COL11A1: variants seen among roughly 807,000 people sequenced by gnomAD.
COL11A1 encodes the protein collagen alpha-1(XI) chain.
COL11A1 carries 74 observed loss-of-function variants against 265.2 expected under a neutral mutation model. The observed-to-expected ratio is 0.28, with a 90% CI of 0.23 to 0.34. COL11A1 has a LOEUF of 0.34. COL11A1 is among the 10% of genes least tolerant of loss of function. The pLI, the probability that COL11A1 is intolerant of heterozygous loss-of-function variation, is 1.00. For synonymous variants in COL11A1, 816 were observed against 727.6 expected (o/e 1.12, Z -1.96); for missense variants, 2,165 against 2,263.6 (o/e 0.96, Z 0.88).
intron 49 of COL11A1, among the ~76,000 whole-genome samples, chr1:102,917,228 C>A (rs2101047784): frequency 6.6e-6 from 1 of 151,752 alleles, no homozygotes; most frequent in East Asian, 1.9e-4. Context: ...TTGACAAAAA[C>A]AAAAAGGAAA....
chr1:103,000,727 A>G (rs1319085285), intron 24 of COL11A1, among the ~76,000 whole-genome samples: 1 of 152,038 alleles, frequency 6.6e-6, no homozygotes, highest in East Asian at 1.9e-4. Flanking sequence ...TAAGTTTACC[A>G]TAACACAAGA....
Position 102,997,082 on chromosome 1 carries a change from G to C in COL11A1, c.2239C>G (p.Leu747Val). The change falls in exon 26 of 67, where the codon CTG (leucine) becomes GTG (valine). Residue 747 changes from leucine to valine, a missense_variant and splice_region_variant. By Grantham distance (32) the Leu-to-Val change is conservative (BLOSUM62 1). Coordinates refer to ENST00000370096, the MANE Select transcript of COL11A1 (RefSeq NM_001854.4). ...KEGQSGEKGA[L>V]GPPGPQGPIG... Reference sequence around the variant, plus strand: ...TAAATGGATACTTTGGAACCTACCAGAGCCCCCTTTTCTCCAGACTGGCCT... The same window carrying C: ...TAAATGGATACTTTGGAACCTACCACAGCCCCCTTTTCTCCAGACTGGCCT... 6.2e-7 allele frequency: 1 copy of C among 1,611,804 alleles called. No homozygotes were observed. The highest frequency in any genetic ancestry group is 8.5e-7 in the Non-Finnish European group (1 of 1,178,348).
Position 103,092,349 on chromosome 1 carries a change from G to T in COL11A1, c.107-9377C>A, listed in dbSNP as rs576701689. Among the ~76,000 whole-genome samples the T allele has an allele frequency of 6.7e-3, 1,018 of 152,148 alleles. 9 individuals are homozygous for T. Among genetic ancestry groups the T allele is most frequent in the African/African-American group, 0.023 (976 of 41,534 alleles). ...AAAATATCAAAAACATTAAGAAAAA[G>T]TTAAGTATGTCATGAATGCACAAAA... On this transcript the variant is annotated intron_variant, in intron 1 of 66. Transcript: ENST00000370096.
intron 1 of COL11A1, among the ~76,000 whole-genome samples, chr1:103,106,546 C>T (rs748291090): frequency 3.9e-5 from 6 of 152,266 alleles, no homozygotes; most frequent in African/African-American, 1.4e-4. Flanking sequence ...ACCAATCCAA[C>T]CGGTGACCAG....
Position 102,998,678 on chromosome 1 carries a change from T to C in COL11A1, c.2143-315A>G, listed in dbSNP as rs2622871. Among the ~76,000 whole-genome samples the C allele has an allele frequency of 0.044, 6,702 of 151,816 alleles. 254 individuals carry two copies. The highest frequency in any genetic ancestry group is 0.097 in the African/African-American group (4,037 of 41,464). On this transcript the variant is annotated intron_variant, in intron 24 of 66. Coordinates refer to ENST00000370096, the MANE Select transcript of COL11A1 (RefSeq NM_001854.4). ...TTAGAGAACAAAAAGGAAAGCAATATAGGCCAGAAATATATTGATTCATAT... is the reference window on the plus strand; with the variant it reads ...TTAGAGAACAAAAAGGAAAGCAATACAGGCCAGAAATATATTGATTCATAT...
chr1:103,002,510 A>G, intron 22 of COL11A1, 29 bp from the exon 23 acceptor site: 1 of 1,559,852 alleles, frequency 6.4e-7, no homozygotes, highest in Non-Finnish European at 8.8e-7. Flanking sequence ...AAAAGTTTTT[A>G]ATGGGCTATA....
At chr1:103,107,167 C>G (rs181487399) in intron 1 of COL11A1, among the ~76,000 whole-genome samples, 2,119 of 152,082 alleles carry the variant, frequency 0.014, 37 homozygotes, top group Non-Finnish European at 0.02. Flanking sequence ...GCTCTCCCTC[C>G]GTGGGTACTG....
Position 102,896,386 on chromosome 1 carries a change from T to C in COL11A1, c.4302+1739A>G, listed in dbSNP as rs149165338. Reference sequence around the variant, plus strand: ...CTAAAATAGATCTTTCTTAGTTGAGTTGAAAGGCTCATTAAATTGCCATAA... The same window carrying C: ...CTAAAATAGATCTTTCTTAGTTGAGCTGAAAGGCTCATTAAATTGCCATAA... On this transcript the variant is annotated intron_variant, in intron 57 of 66. Coordinates refer to ENST00000370096, the MANE Select transcript of COL11A1 (RefSeq NM_001854.4). Among the ~76,000 whole-genome samples, 208 of 152,296 alleles carry C rather than the reference T, an allele frequency of 1.4e-3. 1 individual carries two copies. The highest frequency in any genetic ancestry group is 4.8e-3 in the African/African-American group (198 of 41,568).
At chr1:102,982,343 G>A (rs2101702917) in intron 31 of COL11A1, among the ~76,000 whole-genome samples, 1 of 152,108 alleles carries the variant, frequency 6.6e-6, no homozygotes, top group South Asian at 2.1e-4. Flanking sequence ...ACTCATTCAT[G>A]TAATATTGTG....
chr1:102,905,884 C>T (rs1301677749), intron 54 of COL11A1, among the ~76,000 whole-genome samples: 1 of 152,098 alleles, frequency 6.6e-6, no homozygotes, highest in Non-Finnish European at 1.5e-5. Context: ...GTATTGGTCA[C>T]TGCTGAACTC....
chr1:103,047,984 G>A (rs1355076958), intron 4 of COL11A1, among the ~76,000 whole-genome samples: 2 of 152,162 alleles, frequency 1.3e-5, no homozygotes, highest in Non-Finnish European at 1.5e-5. Flanking sequence ...GCTTTTTTAT[G>A]TGCTGCTGGA....
chr1:103,002,424 T>C lies in COL11A1; in HGVS notation c.2097+4A>G. ...TCAAAGGAGCTGCAGTGGCTTAGAC[T>C]TACCTGAGGTCCTGGATTCCCTTGT... On this transcript the variant is annotated splice_donor_region_variant and intron_variant, in intron 23 of 66. Transcript: ENST00000370096. The C allele has an allele frequency of 1.2e-6, 2 of 1,606,954 alleles. No homozygotes were observed. The highest frequency in any genetic ancestry group is 1.7e-6 in the Non-Finnish European group (2 of 1,176,464).
At chr1:103,075,905 A>G (rs1671939280) in intron 3 of COL11A1, among the ~76,000 whole-genome samples, 1 of 152,106 alleles carries the variant, frequency 6.6e-6, no homozygotes, top group Non-Finnish European at 1.5e-5. Flanking sequence ...TGAATTGAGC[A>G]AAGATTTATA....
Position 102,887,020 on chromosome 1 carries a change from AGAT to A in COL11A1, c.4642_4644del (p.Ile1548del), listed in dbSNP as rs773823635. 6.2e-7 allele frequency: 1 copy of A among 1,613,894 alleles called. No homozygotes were observed. ...TGTCTTCTCGTTTTTTTGGAGGACA[AGAT>A]TGGTAAAGGCTGAATGACTTCACCA... On this transcript the variant is annotated inframe_deletion, in exon 63 of 67. Coordinates refer to ENST00000370096, the MANE Select transcript of COL11A1 (RefSeq NM_001854.4).
chr1:102,890,748 G>A (rs1651665573), intron 57 of COL11A1, among the ~76,000 whole-genome samples: 1 of 152,002 alleles, frequency 6.6e-6, no homozygotes, highest in Non-Finnish European at 1.5e-5. Context: ...ATAGAACATG[G>A]TTATATGGCT....
chr1:102,905,346 A>G (rs2100974772), intron 54 of COL11A1, among the ~76,000 whole-genome samples: 1 of 151,448 alleles, frequency 6.6e-6, no homozygotes, highest in Non-Finnish European at 1.5e-5. Context: ...CAGGTTGTGC[A>G]CATGTACCCT....
chr1:103,108,517 G>T lies in COL11A1; in HGVS notation c.-339C>A. 3.6e-6 allele frequency: 2 copies of T among 552,612 alleles called. No homozygotes were observed. Among genetic ancestry groups the T allele is most frequent in the Non-Finnish European group, 3.2e-6 (1 of 313,542 alleles). The allele number at this position is 552,612 out of a possible 1,614,324, so 34.2% of individuals were successfully genotyped here. A position where few individuals can be genotyped will look rare whatever the true frequency, so the allele number is the denominator to read the frequency against. Reference sequence around the variant, plus strand: ...TGTGTGCCCCTAAAGGCTTCATGCCGTCAGTGGGCTGGACGAGTGGCTCCG... The same window carrying T: ...TGTGTGCCCCTAAAGGCTTCATGCCTTCAGTGGGCTGGACGAGTGGCTCCG... On this transcript the variant is annotated 5_prime_UTR_variant, in exon 1 of 67. Coordinates refer to ENST00000370096, the MANE Select transcript of COL11A1 (RefSeq NM_001854.4).
chr1:103,060,658 G>A (rs547244988), intron 4 of COL11A1, among the ~76,000 whole-genome samples: 6 of 152,208 alleles, frequency 3.9e-5, no homozygotes, highest in South Asian at 4.1e-4. Context: ...TGGAATAGGT[G>A]TAAGTTCATA....
chr1:103,029,609 T>C (rs892116499), intron 5 of COL11A1, among the ~76,000 whole-genome samples: 4 of 151,994 alleles, frequency 2.6e-5, no homozygotes, highest in Non-Finnish European at 5.9e-5. Context: ...AAGGTAAAAA[T>C]GCTATATATT....
Sources: gnomAD v4.1 joint callset for allele counts (sites outside exome capture counted in the v4.1 genomes callset) on GRCh38, gnomAD v4.1.1 for gene constraint, MANE v1.5 for transcripts, NCBI Gene and HGNC (gene_info 2026-07-23, HGNC 2026-07-21) for gene names.